ANKRD10: variants seen among roughly 807,000 people sequenced by gnomAD.
ANKRD10 encodes the protein ankyrin repeat domain 10.
ANKRD10 carries 14 observed loss-of-function variants against 27.0 expected under a neutral mutation model. That is an observed-to-expected ratio of 0.52 (90% confidence interval 0.34 to 0.81). The LOEUF (loss-of-function observed/expected upper bound fraction) is 0.81. Among genes scored for constraint, ANKRD10 ranks in the 40% least tolerant of loss-of-function variants. The probability of loss-of-function intolerance (pLI) is 0.01; values close to 1 mark genes in which losing one functional copy is unlikely to be tolerated. For missense variants in ANKRD10, 493 were observed against 544.0 expected, an observed-to-expected ratio of 0.91 and a Z score of 0.93; for synonymous variants, 250 against 224.5, an observed-to-expected ratio of 1.11 and a Z score of -1.01.
At chr13:110,905,932 G>T in intron 3 of ANKRD10, 101 bp downstream of exon 3, 1 of 1,132,564 alleles carries the variant, frequency 8.8e-7, no homozygotes. Flanking sequence ...TACTAATTTT[G>T]AAAACAAAGT....
chr13:110,880,779 G>C (rs1594524499), intron 5 of ANKRD10, among the ~76,000 whole-genome samples: 1 of 152,292 alleles, frequency 6.6e-6, no homozygotes, highest in East Asian at 1.9e-4. Context: ...CCACATGAGA[G>C]CAGTGGCAGA....
At chr13:110,894,368 G>A (rs1423867474) in intron 3 of ANKRD10, 5 of 130,638 alleles carry the variant, frequency 3.8e-5, no homozygotes, top group Non-Finnish European at 5.7e-5. Flanking sequence ...AACCACTCCA[G>A]AACCCTGATG....
intron 3 of ANKRD10, among the ~76,000 whole-genome samples, chr13:110,901,281 G>A (rs1198296702): frequency 2.6e-5 from 4 of 152,186 alleles, no homozygotes; most frequent in South Asian, 4.1e-4. Flanking sequence ...TTAATAATAG[G>A]AAGAAACTAT....
chr13:110,888,915 C>G (rs537882968), intron 4 of ANKRD10, among the ~76,000 whole-genome samples: 2 of 152,164 alleles, frequency 1.3e-5, no homozygotes, highest in African/African-American at 2.4e-5. Flanking sequence ...TCTGCTGTCA[C>G]CACAGCCTAC....
At chr13:110,884,916 G>T (rs61629853) in intron 4 of ANKRD10, among the ~76,000 whole-genome samples, 2 of 152,044 alleles carry the variant, frequency 1.3e-5, no homozygotes, top group African/African-American at 4.8e-5. Context: ...AGTCATTTTT[G>T]ATTATACTGT....
intron 1 of ANKRD10, among the ~76,000 whole-genome samples, chr13:110,912,717 A>G (rs11617995): frequency 0.32 from 48,754 of 152,154 alleles, 8,347 homozygotes; most frequent in Non-Finnish European, 0.39. Flanking sequence ...GTGCACCACT[A>G]GCACATTTCT....
Position 110,879,868 on chromosome 13 carries a change from C to G in ANKRD10, c.1032G>C (p.Leu344Phe). The change falls in exon 6 of 6, where the codon TTG (leucine) becomes TTC (phenylalanine). Residue 344 changes from leucine (L) to phenylalanine (F), a missense_variant. Leu to Phe is a conservative substitution (Grantham distance 22). Coordinates refer to ENST00000267339, the MANE Select transcript of ANKRD10 (RefSeq NM_017664.4). Reference protein sequence around the residue: ...PEKTLRANPELCGSLHLNGSP... With the variant: ...PEKTLRANPEFCGSLHLNGSP... ...TCCCGTTCAGGTGCAGAGAACCGCA[C>G]AACTCAGGGTTAGCTCTCAGGGTCT... 1 of 1,614,258 alleles carries G rather than the reference C, an allele frequency of 6.2e-7. No individual in the cohort carries two copies. Among genetic ancestry groups the G allele is most frequent in the Non-Finnish European group, 8.5e-7 (1 of 1,180,050 alleles).
chr13:110,884,464 G>C (rs2064878938), intron 4 of ANKRD10, among the ~76,000 whole-genome samples: 1 of 152,160 alleles, frequency 6.6e-6, no homozygotes, highest in Non-Finnish European at 1.5e-5. Context: ...ATCCTAGCAA[G>C]ACTCACTTCT....
intron 1 of ANKRD10, among the ~76,000 whole-genome samples, chr13:110,913,178 T>C (rs2065769829): frequency 6.6e-6 from 1 of 152,234 alleles, no homozygotes; most frequent in Non-Finnish European, 1.5e-5. Context: ...TTAAGCATTC[T>C]ACAGATCGTT....
chr13:110,911,382 G>A (rs1015538955), intron 1 of ANKRD10, among the ~76,000 whole-genome samples: 20 of 152,048 alleles, frequency 1.3e-4, no homozygotes, highest in Admixed American at 1.1e-3. Context: ...AACCCAGAAG[G>A]CGGAGGTTGC....
intron 3 of ANKRD10, chr13:110,894,663 T>C (rs1382665237): frequency 1.3e-5 from 2 of 152,320 alleles, no homozygotes; most frequent in Non-Finnish European, 2.9e-5. Flanking sequence ...AAAAGAGAAT[T>C]GAGAATCTCA....
At chr13:110,889,694 C>T (rs1203507125) in intron 4 of ANKRD10, among the ~76,000 whole-genome samples, 1 of 152,282 alleles carries the variant, frequency 6.6e-6, no homozygotes, top group East Asian at 1.9e-4. Context: ...CTCAGGATTC[C>T]AAAGTGTTTT....
In ANKRD10 at chr13:110,883,727, T is replaced by TGCATTTTGTCA; in HGVS notation, c.747_757dup (p.His253LeufsTer13). ...TACAACAGCAAACTCCCTATCAACGTGCATTTTGTCAGCATCGTCTTCTGT... is the reference window on the plus strand; with the variant it reads ...TACAACAGCAAACTCCCTATCAACGTGCATTTTGTCAGCATTTTGTCAGCATCGTCTTCTGT... On this transcript the variant is annotated frameshift_variant, in exon 5 of 6. Transcript: ENST00000267339. LOFTEE classifies it low-confidence loss of function (END_TRUNC). 6.2e-7 allele frequency: 1 copy of TGCATTTTGTCA among 1,614,210 alleles called. No individual in the cohort carries two copies. The highest frequency in any genetic ancestry group is 8.5e-7 in the Non-Finnish European group (1 of 1,180,034).
At chr13:110,903,669 G>C (rs1056546449) in intron 3 of ANKRD10, 2 of 152,474 alleles carry the variant, frequency 1.3e-5, no homozygotes, top group Non-Finnish European at 2.9e-5. Context: ...TTATGTAGCA[G>C]ATATATAAAA....
At chr13:110,886,556 T>G (rs1189292373) in intron 4 of ANKRD10, among the ~76,000 whole-genome samples, 1 of 152,184 alleles carries the variant, frequency 6.6e-6, no homozygotes, top group Non-Finnish European at 1.5e-5. Context: ...CTGGTAGAGA[T>G]ATTAAGCCCG....
In ANKRD10 at chr13:110,906,042, G is replaced by A; in HGVS notation, c.446C>T (p.Ala149Val). The A allele has an allele frequency of 2.5e-6, 4 of 1,597,230 alleles. No homozygotes were observed. Among genetic ancestry groups the A allele is most frequent in the Non-Finnish European group, 3.4e-6 (4 of 1,170,216 alleles). Reference sequence around the variant, plus strand: ...AACGAAAGACACTTACTCGACGTGAGCCCCATTCGCCACAAGGGCACTGAT... The same window carrying A: ...AACGAAAGACACTTACTCGACGTGAACCCCATTCGCCACAAGGGCACTGAT... The part of the protein sequence containing the change: ...ECISALVANG[A>V]HVDLRNASGL... The change falls in exon 3 of 6, where the codon GCT becomes GTT. Residue 149 changes from alanine (A) to valine (V), a missense_variant. Transcript: ENST00000267339.
At chr13:110,892,607 T>C in intron 4 of ANKRD10, 1 of 484,064 alleles carries the variant, frequency 2.1e-6, no homozygotes, top group Non-Finnish European at 2.7e-6. Context: ...CCTTCCCGAA[T>C]GTGAAAATGT....
At chr13:110,899,704 GA>G (rs138697539) in intron 3 of ANKRD10, among the ~76,000 whole-genome samples, 3,013 of 151,998 alleles carry the variant, frequency 0.02, 103 homozygotes, top group African/African-American at 0.069. Context: ...CCAAGACTAC[GA>G]AAAGCAATCA....
At chr13:110,909,778 G>A (rs1269767005) in intron 2 of ANKRD10, among the ~76,000 whole-genome samples, 1 of 152,166 alleles carries the variant, frequency 6.6e-6, no homozygotes, top group Non-Finnish European at 1.5e-5. Flanking sequence ...TTATCATGAA[G>A]GACTGAATCT....
Sources: gnomAD v4.1 joint callset for allele counts (sites outside exome capture counted in the v4.1 genomes callset) on GRCh38, gnomAD v4.1.1 for gene constraint, MANE v1.5 for transcripts, NCBI Gene and HGNC (gene_info 2026-07-23, HGNC 2026-07-21) for gene names.